Variants in SLC44A1 observed in about 807,000 individuals in gnomAD.
SLC44A1 encodes the protein solute carrier family 44 member 1.
Under a neutral mutation model 79.3 loss-of-function variants are expected in SLC44A1, and 26 were observed. The observed-to-expected ratio is 0.33, with a 90% confidence interval of 0.24 to 0.46. The LOEUF (loss-of-function observed/expected upper bound fraction) is 0.46. SLC44A1 is among the 20% of genes least tolerant of loss of function. The pLI, the probability that SLC44A1 is intolerant of heterozygous loss-of-function variation, is 1.00. For missense variants in SLC44A1, 688 were observed against 798.1 expected (o/e 0.86, Z 1.66); for synonymous variants, 263 against 286.2 (o/e 0.92, Z 0.82).
Position 105,350,469 on chromosome 9 carries a change from C to G in SLC44A1, c.500+2018C>G, listed in dbSNP as rs566618453. ...CTTTAAACTCATAGTCTAGTAGGGA[C>G]TATGTTTTTGGTGACTTTTTTTAAT... is the stretch of plus-strand genomic sequence containing the variant. On this transcript the variant is annotated intron_variant, in intron 5 of 15. Transcript: ENST00000374720. 7.9e-5 allele frequency among the ~76,000 whole-genome samples: 12 copies of G among 152,144 alleles called. No homozygotes were observed. In the South Asian group the frequency reaches 2.5e-3, roughly 32 times the overall value.
At chr9:105,397,585 C>T (rs1400015753), downstream of SLC44A1, among the ~76,000 whole-genome samples, 1 of 152,180 alleles carries the variant, frequency 6.6e-6, no homozygotes, top group Non-Finnish European at 1.5e-5. Context: ...GGCTTCATAG[C>T]TGGAGTCTGA....
chr9:105,312,214 G>A (rs1194220990), intron 3 of SLC44A1, among the ~76,000 whole-genome samples: 1 of 151,764 alleles, frequency 6.6e-6, no homozygotes, highest in Non-Finnish European at 1.5e-5. Flanking sequence ...TCTTCTATCA[G>A]AAAAAAAATT....
At chr9:105,369,217 T>C (rs1459286622) in intron 12 of SLC44A1, among the ~76,000 whole-genome samples, 4 of 152,206 alleles carry the variant, frequency 2.6e-5, no homozygotes, top group African/African-American at 7.2e-5. Context: ...CTAGGTGGCT[T>C]CTAAACAACA....
chr9:105,283,535 T>C (rs1228069575), intron 1 of SLC44A1, among the ~76,000 whole-genome samples: 1 of 152,186 alleles, frequency 6.6e-6, no homozygotes, highest in Non-Finnish European at 1.5e-5. Context: ...CATGTAAAAC[T>C]ACATCATAAG....
At position 105,389,843 on chromosome 9, in the gene SLC44A1, T is replaced by C; in HGVS notation, c.*787T>C. ...CCTCCACACATTTGTGTGCCTGATT[T>C]GAAAGGAAGCTGGGGCACCCAGCGA... On this transcript the variant is annotated 3_prime_UTR_variant, in exon 16 of 16. Transcript: ENST00000374720. 2.1e-6 allele frequency: 3 copies of C among 1,445,646 alleles called. No individual in the cohort carries two copies. The highest frequency in any genetic ancestry group is 2.7e-6 in the Non-Finnish European group (3 of 1,099,876). 89.6% of individuals were successfully genotyped at this position (1,445,646 alleles called of 1,614,324 possible). A position where few individuals can be genotyped will look rare whatever the true frequency, so the allele number is the denominator to read the frequency against.
intron 3 of SLC44A1, among the ~76,000 whole-genome samples, chr9:105,319,830 A>T (rs1564434797): frequency 6.6e-6 from 1 of 152,170 alleles, no homozygotes; most frequent in South Asian, 2.1e-4. Flanking sequence ...TGTAAAGTCG[A>T]TTTTCAGGAA....
chr9:105,295,760 GT>G (rs1830706428), intron 1 of SLC44A1, among the ~76,000 whole-genome samples: 1 of 152,114 alleles, frequency 6.6e-6, no homozygotes, highest in African/African-American at 2.4e-5. Flanking sequence ...GGGGCGGGGA[GT>G]GGGGGGGAGG....
intron 15 of SLC44A1, among the ~76,000 whole-genome samples, chr9:105,428,910 T>C (rs1462705046): frequency 2.6e-5 from 4 of 152,222 alleles, no homozygotes; most frequent in African/African-American, 9.6e-5. Flanking sequence ...TTCACCATGT[T>C]GGCCAGGATG....
intron 3 of SLC44A1, among the ~76,000 whole-genome samples, chr9:105,326,860 C>T (rs1429152253): frequency 6.6e-6 from 1 of 152,182 alleles, no homozygotes; most frequent in Non-Finnish European, 1.5e-5. Context: ...ATCCTACAGC[C>T]AACTGTATAG....
intron 3 of SLC44A1, among the ~76,000 whole-genome samples, chr9:105,322,638 T>G (rs13297127): frequency 0.12 from 18,225 of 152,148 alleles, 3,071 homozygotes; most frequent in African/African-American, 0.38. Flanking sequence ...GAACAGTGAT[T>G]GGAACAAAAT....
At position 105,395,059 on chromosome 9, in the gene SLC44A1, A is replaced by G; in HGVS notation, c.*6003A>G. ...TCAAGGGGTTTGAAGTTCTTGTGAA[A>G]TTTGATCCCAGTGGCTCATGACTTA... On this transcript the variant is annotated 3_prime_UTR_variant, in exon 16 of 16. Transcript: ENST00000374720. 1.0e-6 allele frequency: 1 copy of G among 985,450 alleles called. No homozygotes were observed. The allele number at this position is 985,450 out of a possible 1,614,324, so 61.0% of individuals were successfully genotyped here.
intron 1 of SLC44A1, among the ~76,000 whole-genome samples, chr9:105,286,724 A>T (rs948755643): frequency 6.6e-6 from 1 of 152,170 alleles, no homozygotes; most frequent in African/African-American, 2.4e-5. Flanking sequence ...GCACTTTGAG[A>T]GGCCAGGGCA....
chr9:105,369,910 A>G (rs1828048499), intron 12 of SLC44A1, among the ~76,000 whole-genome samples: 1 of 152,236 alleles, frequency 6.6e-6, no homozygotes. Context: ...AAGTACAACC[A>G]GGGATTGCGT....
Position 105,320,726 on chromosome 9 carries a change from C to T in SLC44A1, c.269+10860C>T, listed in dbSNP as rs186618832. Among the ~76,000 whole-genome samples, 163 of 152,226 alleles carry T rather than the reference C, an allele frequency of 1.1e-3. 1 individual carries two copies. Among genetic ancestry groups the T allele is most frequent in the Admixed American group, 2.1e-3 (32 of 15,292 alleles). On this transcript the variant is annotated intron_variant, in intron 3 of 15. Coordinates refer to ENST00000374720, the MANE Select transcript of SLC44A1 (RefSeq NM_080546.5). ...TCCCATATAGCTGGGACTATAGGTA[C>T]AGTCCCATGCATGTCACCATGCATG... is the stretch of plus-strand genomic sequence containing the variant.
chr9:105,362,073 C>CGCGT (rs556510486), intron 8 of SLC44A1, among the ~76,000 whole-genome samples: 1 of 149,938 alleles, frequency 6.7e-6, no homozygotes, highest in Non-Finnish European at 1.5e-5. Flanking sequence ...CGCGCGCGCG[C>CGCGT]GTGTGTGTGT....
chr9:105,405,710 G>C (rs1376166394), intron 15 of SLC44A1, among the ~76,000 whole-genome samples: 1 of 152,052 alleles, frequency 6.6e-6, no homozygotes, highest in Non-Finnish European at 1.5e-5. Context: ...TCAACTCAGG[G>C]GTTTATCTTT....
At chr9:105,342,119 A>C (rs540869833) in intron 4 of SLC44A1, among the ~76,000 whole-genome samples, 1 of 152,352 alleles carries the variant, frequency 6.6e-6, no homozygotes, top group Admixed American at 6.5e-5. Context: ...AATTCAAATA[A>C]CACATACGGT....
intron 4 of SLC44A1, among the ~76,000 whole-genome samples, chr9:105,346,514 AG>A (rs1827251415): frequency 6.6e-6 from 1 of 152,162 alleles, no homozygotes; most frequent in Non-Finnish European, 1.5e-5. Context: ...AATTCAGATC[AG>A]GAAGTTGATA....
chr9:105,313,196 A>G (rs1319524798), intron 3 of SLC44A1, among the ~76,000 whole-genome samples: 1 of 152,242 alleles, frequency 6.6e-6, no homozygotes, highest in African/African-American at 2.4e-5. Flanking sequence ...AACCTTATCC[A>G]TAGTGAGCTT....
Sources: gnomAD v4.1 joint callset for allele counts (sites outside exome capture counted in the v4.1 genomes callset) on GRCh38, gnomAD v4.1.1 for gene constraint, MANE v1.5 for transcripts, NCBI Gene and HGNC (gene_info 2026-07-23, HGNC 2026-07-21) for gene names.